SLC4A11: variants seen among roughly 807,000 people sequenced by gnomAD.
SLC4A11 encodes solute carrier family 4 member 11, also known as bicarbonate transporter related protein 1.
SLC4A11 carries 74 observed loss-of-function variants against 95.0 expected under a neutral mutation model. The observed-to-expected ratio is 0.78, with a 90% CI of 0.65 to 0.95. The LOEUF is 0.95. Among genes scored for constraint, SLC4A11 ranks in the 40% least tolerant of loss-of-function variants. The pLI, the probability that SLC4A11 is intolerant of heterozygous loss-of-function variation, is 0.00. For synonymous variants in SLC4A11, 548 were observed against 519.0 expected (o/e 1.06, Z -0.76); for missense variants, 1,081 against 1,192.4 (o/e 0.91, Z 1.38).
Position 3,230,766 on chromosome 20 carries a change from C to T in SLC4A11, c.1248G>A (p.Leu416=), listed in dbSNP as rs755869350. The change falls in exon 11 of 20, where the codon CTG becomes CTA. Residue 416 remains leucine, a synonymous_variant. Coordinates refer to ENST00000642402, the MANE Select transcript of SLC4A11 (RefSeq NM_001174089.2). ...AGAGCGCCAGGGGCGCGGTGGTCAG[C>T]AGAATCACCAATGGCTGCCCAGAGA... ...ALFSGQPLVI[L]LTTAPLALYI... 3.7e-6 allele frequency: 6 copies of T among 1,613,222 alleles called. No individual in the cohort carries two copies. Among genetic ancestry groups the T allele is most frequent in the Non-Finnish European group, 5.1e-6 (6 of 1,179,998 alleles).
chr20:3,238,647 A>C (rs1342783192), intron 1 of SLC4A11: 32 of 994,824 alleles, frequency 3.2e-5, no homozygotes, highest in Non-Finnish European at 3.1e-5. Context: ...CGGGACTCCC[A>C]AAACTCCAGG....
intron 12 of SLC4A11, 121 bp from the exon 13 acceptor site, chr20:3,230,381 G>A: frequency 6.3e-7 from 1 of 1,578,630 alleles, no homozygotes; most frequent in Non-Finnish European, 8.7e-7. Flanking sequence ...CAGGGCCCCA[G>A]GCCTTGCCTG....
intron 2 of SLC4A11, among the ~76,000 whole-genome samples, chr20:3,236,635 G>A (rs536123367): frequency 6.6e-6 from 1 of 152,142 alleles, no homozygotes; most frequent in African/African-American, 2.4e-5. Context: ...CACTGCTTTG[G>A]TTCTGGAGCT....
Position 3,231,663 on chromosome 20 carries a change from T to C in SLC4A11, c.730-115A>G, listed in dbSNP as rs2067785651. 8.3e-6 allele frequency: 8 copies of C among 962,416 alleles called. No individual in the cohort carries two copies. Among genetic ancestry groups the C allele is most frequent in the Non-Finnish European group, 1.3e-5 (8 of 623,532 alleles). The allele number at this position is 962,416 out of a possible 1,614,324, so 59.6% of individuals were successfully genotyped here. On this transcript the variant is annotated intron_variant, in intron 7 of 19. Coordinates refer to ENST00000642402, the MANE Select transcript of SLC4A11 (RefSeq NM_001174089.2). This position sits in a 1 kb window ranked among gnomAD's most constrained non-coding sequence, Gnocchi z 5.2. ...GCAGGTTTTTTGTCTGTTTGTTTTT[T>C]GTGTTTTTTTGAGACAGGGTCTCAC...
At position 3,231,233 on chromosome 20, in the gene SLC4A11, A is replaced by G. The variant is rs1266395472; in HGVS notation, c.958T>C (p.Cys320Arg). 2 of 1,613,946 alleles carry G rather than the reference A, an allele frequency of 1.2e-6. No homozygotes were observed. The highest frequency in any genetic ancestry group is 1.1e-5 in the South Asian group (1 of 91,088). Residue 320 changes from cysteine to arginine, a missense_variant, in exon 9 of 20, where the codon TGC becomes CGC. Transcript: ENST00000642402. This position sits in a 1 kb window ranked among gnomAD's most constrained non-coding sequence, Gnocchi z 5.2. ...PAHRHPEPPK[C>R]KDFVPFGKGI... Reference sequence around the variant, plus strand: ...TTCCCAAAAGGGACAAAGTCCTTGCACTTTGGGGGCTGGAGGAGAGGACAG... The same window carrying G: ...TTCCCAAAAGGGACAAAGTCCTTGCGCTTTGGGGGCTGGAGGAGAGGACAG...
chr20:3,229,048 G>C, intron 16 of SLC4A11, 37 bp from the exon 17 acceptor site: 1 of 1,584,142 alleles, frequency 6.3e-7, no homozygotes, highest in Non-Finnish European at 8.6e-7. Flanking sequence ...GAGCCCCACA[G>C]CAGAGGCCCG....
upstream of SLC4A11, chr20:3,239,310 C>A (rs1049412407): frequency 4.3e-6 from 5 of 1,158,238 alleles, no homozygotes; most frequent in Non-Finnish European, 5.3e-6. Flanking sequence ...GCAGAGCTGC[C>A]GAGGGCTGGG....
intron 1 of SLC4A11, chr20:3,238,806 A>T (rs2068070006): frequency 3.5e-6 from 4 of 1,155,738 alleles, no homozygotes; most frequent in Non-Finnish European, 4.3e-6. Flanking sequence ...CCCACTTTCG[A>T]GCTCCCCGCC....
chr20:3,234,812 G>C lies in SLC4A11; in HGVS notation c.171C>G (p.Ser57=). 6.2e-7 allele frequency: 1 copy of C among 1,614,084 alleles called. No individual in the cohort carries two copies. The part of the protein sequence containing the change: ...LGDEAFDTAN[S]SIVSGESIRF... ...GGATACTCTCGCCAGACACGATGGA[G>C]GAGTTGGCAGTGTCGAAGGCCTCAT... The change falls in exon 3 of 20, where the codon TCC becomes TCG. Residue 57 remains serine (S), a synonymous_variant. Coordinates refer to ENST00000642402, the MANE Select transcript of SLC4A11 (RefSeq NM_001174089.2). This position sits in a 1 kb window ranked among gnomAD's most constrained non-coding sequence, Gnocchi z 5.8.
At chr20:3,239,451 C>T, upstream of SLC4A11, 5 of 1,040,078 alleles carry the variant, frequency 4.8e-6, no homozygotes, top group Non-Finnish European at 5.8e-6. Flanking sequence ...GCGCCGGACC[C>T]AGCAGACCCA....
At chr20:3,239,293 G>A (rs934842724), upstream of SLC4A11, 62 of 1,176,254 alleles carry the variant, frequency 5.3e-5, no homozygotes, top group Admixed American at 1.3e-3. Flanking sequence ...GCGCCCGGGC[G>A]CGGTAGGCAG....
rs1399792532 is a variant in SLC4A11, at chr20:3,228,284, T to C, written c.2533A>G (p.Ile845Val). The C allele has an allele frequency of 6.2e-7, 1 of 1,612,760 alleles. No homozygotes were observed. Among genetic ancestry groups the C allele is most frequent in the South Asian group, 1.1e-5 (1 of 91,056 alleles). ...LPYMKMIFPL[I>V]MIAMIPIRYI... ...CGGATGGGGATCATGGCGATCATGA[T>C]GAGGGGAAAGATCATCTTCATGTAG... The change falls in exon 19 of 20, where the codon ATC becomes GTC. Residue 845 changes from isoleucine to valine, a missense_variant. Coordinates refer to ENST00000642402, the MANE Select transcript of SLC4A11 (RefSeq NM_001174089.2).
At chr20:3,227,917 T>TG in intron 19 of SLC4A11, 61 bp from the exon 20 acceptor site, 1 of 1,488,448 alleles carries the variant, frequency 6.7e-7, no homozygotes. Context: ...TGGACACCCA[T>TG]CCCAGCCCAC....
At position 3,234,187 on chromosome 20, in the gene SLC4A11, A is replaced by AGCATGGTCCGCAGCACGTTATCC; in HGVS notation, c.396_418dup (p.Leu140ArgfsTer58). On this transcript the variant is annotated frameshift_variant, in exon 5 of 20. Coordinates refer to ENST00000642402, the MANE Select transcript of SLC4A11 (RefSeq NM_001174089.2). LOFTEE classifies it high-confidence loss of function. The surrounding 1 kb of genome is among the most constrained non-coding windows in gnomAD (Gnocchi z 5.8). The stretch of plus-strand genomic sequence containing the variant: ...GTCAGGGTCCCTGGCGAAGCGGCGA[A>AGCATGGTCCGCAGCACGTTATCC]GCATGGTCCGCAGCACGTTATCCAG... 6.2e-7 allele frequency: 1 copy of AGCATGGTCCGCAGCACGTTATCC among 1,614,122 alleles called. No individual in the cohort carries two copies. Among genetic ancestry groups the AGCATGGTCCGCAGCACGTTATCC allele is most frequent in the African/African-American group, 1.3e-5 (1 of 75,048 alleles).
chr20:3,231,568 G>A lies in SLC4A11; in HGVS notation c.730-20C>T, dbSNP rs540346240. 5.0e-5 allele frequency: 79 copies of A among 1,595,540 alleles called. No homozygotes were observed. The highest frequency in any genetic ancestry group is 6.3e-5 in the Non-Finnish European group (74 of 1,171,960). The stretch of plus-strand genomic sequence containing the variant: ...GCTTTTCTAGGGGTGGAGGATGGGA[G>A]TCACCCCTAGAAACAGAGGAGGCCC... On this transcript the variant is annotated intron_variant, in intron 7 of 19. Coordinates refer to ENST00000642402, the MANE Select transcript of SLC4A11 (RefSeq NM_001174089.2). This position sits in a 1 kb window ranked among gnomAD's most constrained non-coding sequence, Gnocchi z 5.2.
chr20:3,237,778 C>A (rs1210051167), intron 1 of SLC4A11, 190 bp from the exon 2 acceptor site: 1 of 1,609,390 alleles, frequency 6.2e-7, no homozygotes, highest in Non-Finnish European at 8.5e-7. Context: ...GGGAAGCCAG[C>A]CTTAATCTCA....
chr20:3,235,309 T>TCTCTCA (rs1318815472), intron 2 of SLC4A11, among the ~76,000 whole-genome samples: 8 of 123,610 alleles, frequency 6.5e-5, no homozygotes, highest in African/African-American at 9.5e-5. Flanking sequence ...TCTCTCTCTC[T>TCTCTCA]CACACACACA....
Position 3,231,127 on chromosome 20 carries a change from C to T in SLC4A11, c.1042+22G>A, listed in dbSNP as rs906206317. 2.5e-6 allele frequency: 4 copies of T among 1,614,160 alleles called. No homozygotes were observed. In the East Asian group the frequency reaches 6.7e-5, roughly 27 times the overall value. ...ACAGGCACACGTGTGGGCCCAAGGC[C>T]TGGAAAGCAGAGGCCACGTACCATC... On this transcript the variant is annotated intron_variant, in intron 9 of 19. Coordinates refer to ENST00000642402, the MANE Select transcript of SLC4A11 (RefSeq NM_001174089.2). The surrounding 1 kb of genome is among the most constrained non-coding windows in gnomAD (Gnocchi z 5.2).
At chr20:3,233,735 G>A in intron 6 of SLC4A11, 98 bp from the exon 7 acceptor site, 1 of 1,574,748 alleles carries the variant, frequency 6.4e-7, no homozygotes, top group African/African-American at 1.3e-5. Context: ...GGCGACCTCT[G>A]CTAGGGAGGG....
Sources: allele counts gnomAD v4.1 joint callset (sites outside exome capture counted in the v4.1 genomes callset), GRCh38; gene constraint gnomAD v4.1.1; non-coding constraint Gnocchi (gnomAD v3.1); transcripts MANE v1.5; gene names NCBI Gene and HGNC (gene_info 2026-07-23, HGNC 2026-07-21).